The following RALB variants were observed in gnomAD, a reference collection of about 807,000 sequenced individuals.
RALB encodes the protein ras-related protein Ral-B.
RALB carries 16 observed loss-of-function variants against 21.3 expected under a neutral mutation model. The ratio of observed to expected loss-of-function variants is 0.75; its 90% CI spans 0.51 to 1.14. RALB has a LOEUF of 1.14. RALB is among the 50% of genes most tolerant of loss of function. The pLI is 0.00. For missense variants in RALB, 161 were observed against 256.2 expected (o/e 0.63, Z 2.54); for synonymous variants, 93 against 96.1 (o/e 0.97, Z 0.19).
At chr2:120,244,373 G>A (rs780365728) in intron 1 of RALB, among the ~76,000 whole-genome samples, 3 of 151,988 alleles carry the variant, frequency 2.0e-5, no homozygotes, top group Admixed American at 2.0e-4. Context: ...TCAGCTCAGT[G>A]GGAGCTGACC....
chr2:120,276,092 A>G (rs1254564048), intron 1 of RALB, among the ~76,000 whole-genome samples: 2 of 152,106 alleles, frequency 1.3e-5, no homozygotes, highest in East Asian at 1.9e-4. Flanking sequence ...GAGCTACTCT[A>G]TGTTGCTTAT....
chr2:120,244,827 A>G (rs538031433), intron 1 of RALB, among the ~76,000 whole-genome samples: 56 of 152,102 alleles, frequency 3.7e-4, no homozygotes, highest in Non-Finnish European at 7.8e-4. Flanking sequence ...ATCTGGGGAG[A>G]GATTGTCCAG....
At chr2:120,253,650 G>C in intron 1 of RALB, 1 of 985,508 alleles carries the variant, frequency 1.0e-6, no homozygotes, top group Non-Finnish European at 1.2e-6. Context: ...GGAGCTTGCT[G>C]CGTCCACACT....
At chr2:120,286,160 T>C in intron 3 of RALB, 78 bp downstream of exon 3, 2 of 1,268,984 alleles carry the variant, frequency 1.6e-6, no homozygotes, top group Non-Finnish European at 2.3e-6. Context: ...TATGAAGAAT[T>C]TGGGGCTGAG....
chr2:120,258,038 G>A (rs1293146208), intron 1 of RALB, among the ~76,000 whole-genome samples: 1 of 152,152 alleles, frequency 6.6e-6, no homozygotes, highest in Middle Eastern at 3.2e-3. Context: ...CCGTGTTGCC[G>A]GCCTGGCCTG....
chr2:120,268,870 C>T (rs920838699), intron 1 of RALB, among the ~76,000 whole-genome samples: 5 of 152,082 alleles, frequency 3.3e-5, no homozygotes, highest in Non-Finnish European at 5.9e-5. Flanking sequence ...AAGGAAAGTC[C>T]AACTTCATTG....
intron 3 of RALB, among the ~76,000 whole-genome samples, chr2:120,289,052 G>T (rs997861418): frequency 6.6e-6 from 1 of 152,102 alleles, no homozygotes; most frequent in Non-Finnish European, 1.5e-5. Flanking sequence ...CTGCAGGGGG[G>T]AGAAACTGCT....
intron 1 of RALB, among the ~76,000 whole-genome samples, chr2:120,269,593 G>A (rs1274952744): frequency 2.6e-5 from 4 of 152,162 alleles, no homozygotes; most frequent in Admixed American, 1.3e-4. Flanking sequence ...GCCACAGAGC[G>A]CTGATTGGTG....
chr2:120,289,646 T>G lies in RALB; in HGVS notation c.390T>G (p.Ser130=). 6.2e-7 allele frequency: 1 copy of G among 1,614,196 alleles called. No homozygotes were observed. The highest frequency in any genetic ancestry group is 8.5e-7 in the Non-Finnish European group (1 of 1,180,012). ...KIPLLVVGNK[S]DLEERRQVPV... ...CACTGCTCGTCGTGGGAAACAAGTC[T>G]GACCTAGAGGAGCGGAGGCAGGTGC... Residue 130 remains serine, a synonymous_variant, in exon 4 of 5, where the codon TCT becomes TCG. Transcript: ENST00000272519.
chr2:120,271,065 T>C (rs1169521754), intron 1 of RALB, among the ~76,000 whole-genome samples: 1 of 152,176 alleles, frequency 6.6e-6, no homozygotes, highest in African/African-American at 2.4e-5. Context: ...GGTTTTCAGA[T>C]TCTCATTTGT....
chr2:120,256,002 C>A (rs1396994589), intron 1 of RALB, among the ~76,000 whole-genome samples: 2 of 152,218 alleles, frequency 1.3e-5, no homozygotes, highest in South Asian at 2.1e-4. Flanking sequence ...GTTTGCCTAC[C>A]TTTTGAATGA....
intron 1 of RALB, 24 bp from the exon 2 acceptor site, chr2:120,278,594 A>T: frequency 7.0e-7 from 1 of 1,425,252 alleles, no homozygotes; most frequent in Middle Eastern, 1.8e-4. Context: ...ATCGCCTCTA[A>T]GTCTTTGTCT....
chr2:120,290,630 C>T (rs1485924584), intron 4 of RALB, among the ~76,000 whole-genome samples: 1 of 81,246 alleles, frequency 1.2e-5, no homozygotes, highest in African/African-American at 5.9e-5. Flanking sequence ...TCTCTGGGAT[C>T]TCTTTTTTTT....
At chr2:120,275,828 G>C (rs939637935) in intron 1 of RALB, among the ~76,000 whole-genome samples, 2 of 152,176 alleles carry the variant, frequency 1.3e-5, no homozygotes, top group Non-Finnish European at 2.9e-5. Context: ...ACACACCAAG[G>C]GTGAGGTTTA....
chr2:120,249,031 A>T (rs1689012977), upstream of RALB, among the ~76,000 whole-genome samples: 1 of 124,592 alleles, frequency 8.0e-6, no homozygotes. Flanking sequence ...ACCTTGTGTT[A>T]GTCTTTTTTT....
intron 1 of RALB, among the ~76,000 whole-genome samples, chr2:120,246,514 C>A (rs1688973408): frequency 6.6e-6 from 1 of 152,228 alleles, no homozygotes; most frequent in Non-Finnish European, 1.5e-5. Flanking sequence ...CCAAGCCCAC[C>A]ACCAACATCC....
intron 3 of RALB, among the ~76,000 whole-genome samples, chr2:120,288,735 T>C (rs1446545427): frequency 6.6e-6 from 1 of 152,236 alleles, no homozygotes; most frequent in Non-Finnish European, 1.5e-5. Flanking sequence ...AATGGTATTT[T>C]TGTAGAAGAC....
intron 1 of RALB, among the ~76,000 whole-genome samples, chr2:120,273,634 G>GA (rs1689721475): frequency 6.6e-6 from 1 of 152,240 alleles, no homozygotes; most frequent in African/African-American, 2.4e-5. Flanking sequence ...TGTTAAACTA[G>GA]AAATTCCTCT....
intron 1 of RALB, among the ~76,000 whole-genome samples, chr2:120,262,924 C>T (rs1198752444): frequency 6.6e-6 from 1 of 152,122 alleles, no homozygotes; most frequent in Non-Finnish European, 1.5e-5. Context: ...TCTCCACTGC[C>T]CTGAGACGTA....
Sources: allele counts gnomAD v4.1 joint callset (sites outside exome capture counted in the v4.1 genomes callset), GRCh38; gene constraint gnomAD v4.1.1; transcripts MANE v1.5; gene names NCBI Gene and HGNC (gene_info 2026-07-23, HGNC 2026-07-21).